The following EFL1 variants were observed in gnomAD, a reference collection of about 807,000 sequenced individuals.
EFL1 encodes the protein elongation factor-like GTPase 1.
Under a neutral mutation model 126.7 loss-of-function variants are expected in EFL1, and 76 were observed. The observed-to-expected ratio is 0.60, with a 90% CI of 0.50 to 0.73. The LOEUF is 0.73. Among genes scored for constraint, EFL1 ranks in the 30% least tolerant of loss-of-function variants. EFL1 has a pLI of 0.00. For missense variants in EFL1, 1,128 were observed against 1,343.2 expected, an observed-to-expected ratio of 0.84 and a Z score of 2.50; for synonymous variants, 410 against 448.4, an observed-to-expected ratio of 0.91 and a Z score of 1.08.
chr15:82,221,145 T>C (rs1296150796), intron 12 of EFL1, among the ~76,000 whole-genome samples: 1 of 152,214 alleles, frequency 6.6e-6, no homozygotes, highest in Non-Finnish European at 1.5e-5. Context: ...CCTAACTTTA[T>C]GCTCCAGCTC....
At chr15:82,134,747 G>A (rs553483813) in intron 19 of EFL1, among the ~76,000 whole-genome samples, 8 of 152,094 alleles carry the variant, frequency 5.3e-5, no homozygotes, top group Non-Finnish European at 1.0e-4. Flanking sequence ...AGCACTGGTT[G>A]GTAATATTTT....
At chr15:82,205,246 C>A (rs1043270695) in intron 15 of EFL1, among the ~76,000 whole-genome samples, 16 of 152,210 alleles carry the variant, frequency 1.1e-4, no homozygotes, top group Non-Finnish European at 2.1e-4. Context: ...CTGGACTACC[C>A]ATCTCCACTT....
Position 82,152,344 on chromosome 15 carries a change from T to C in EFL1, c.2110A>G (p.Met704Val). Reference sequence around the variant, plus strand: ...TGTTTGCCTATTTCTTCATTGACCATGTCAACTTTTGGGGGTTTTGTGATT... The same window carrying C: ...TGTTTGCCTATTTCTTCATTGACCACGTCAACTTTTGGGGGTTTTGTGATT... ...ETITKPPKVD[M>V]VNEEIGKQQK... The change falls in exon 18 of 20, where the codon ATG becomes GTG. Residue 704 changes from methionine to valine, a missense_variant. By Grantham distance (21) the Met-to-Val change is conservative. Around this residue, in one of 6 missense-constraint regions of EFL1, gnomAD observed 561 missense variants for 641.7 expected, o/e 0.87. Coordinates refer to ENST00000268206, the MANE Select transcript of EFL1 (RefSeq NM_024580.6). 1 of 1,613,960 alleles carries C rather than the reference T, an allele frequency of 6.2e-7. No homozygotes were observed. Among genetic ancestry groups the C allele is most frequent in the Non-Finnish European group, 8.5e-7 (1 of 1,180,040 alleles).
intron 15 of EFL1, among the ~76,000 whole-genome samples, chr15:82,214,128 A>G (rs902531203): frequency 3.9e-5 from 6 of 152,234 alleles, no homozygotes; most frequent in African/African-American, 1.4e-4. Context: ...TCTACAATAC[A>G]CTCTGGATGC....
At chr15:82,202,834 C>G (rs150180019) in intron 15 of EFL1, among the ~76,000 whole-genome samples, 10,169 of 145,366 alleles carry the variant, frequency 0.07, 506 homozygotes, top group African/African-American at 0.13. Context: ...TTTTTTGAGA[C>G]GGAGTCTTGC....
intron 18 of EFL1, among the ~76,000 whole-genome samples, chr15:82,145,160 G>T (rs950471521): frequency 6.6e-6 from 1 of 151,688 alleles, no homozygotes; most frequent in Non-Finnish European, 1.5e-5. Flanking sequence ...AAAATTAGCC[G>T]GGCGTGGTGG....
Position 82,185,626 on chromosome 15 carries a change from G to A in EFL1, c.1751-21642C>T, listed in dbSNP as rs141536894. Among the ~76,000 whole-genome samples, 615 of 151,938 alleles carry A rather than the reference G, an allele frequency of 4.0e-3. 4 individuals carry two copies. The highest frequency in any genetic ancestry group is 0.014 in the African/African-American group (587 of 41,454). ...AGCTTTTACCAATAAATCAGAAAATGAATACCACAATTTAAAAACACAGCC... is the reference window on the plus strand; with the variant it reads ...AGCTTTTACCAATAAATCAGAAAATAAATACCACAATTTAAAAACACAGCC... On this transcript the variant is annotated intron_variant, in intron 15 of 19. Transcript: ENST00000268206.
At chr15:82,152,969 G>A (rs2073929913) in intron 17 of EFL1, among the ~76,000 whole-genome samples, 1 of 152,132 alleles carries the variant, frequency 6.6e-6, no homozygotes, top group Non-Finnish European at 1.5e-5. Context: ...CTGCAATGGT[G>A]GAAATGTTCT....
chr15:82,216,501 ATAGT>A (rs1402235216), intron 14 of EFL1, among the ~76,000 whole-genome samples: 3 of 152,148 alleles, frequency 2.0e-5, no homozygotes, highest in East Asian at 1.9e-4. Flanking sequence ...CTGAATAGAG[ATAGT>A]TAGAGACAAC....
chr15:82,255,688 A>AT (rs549700646), intron 3 of EFL1, among the ~76,000 whole-genome samples: 11 of 151,512 alleles, frequency 7.3e-5, no homozygotes, highest in African/African-American at 2.4e-4. Flanking sequence ...TAGAGGTCCA[A>AT]TTTTTTTTTC....
At chr15:82,164,128 G>GC in intron 15 of EFL1, 144 bp from the exon 16 acceptor site, 2 of 769,662 alleles carry the variant, frequency 2.6e-6, no homozygotes, top group Admixed American at 3.7e-5. Context: ...GACCTGCACT[G>GC]TTTTTTTTTT....
chr15:82,207,404 C>G (rs1356118198), intron 15 of EFL1, among the ~76,000 whole-genome samples: 1 of 151,704 alleles, frequency 6.6e-6, no homozygotes, highest in East Asian at 1.9e-4. Context: ...CTATTTAACA[C>G]TGTTCTGAAA....
intron 12 of EFL1, among the ~76,000 whole-genome samples, chr15:82,221,308 C>T (rs1276498672): frequency 1.3e-5 from 2 of 152,172 alleles, no homozygotes; most frequent in South Asian, 4.2e-4. Flanking sequence ...TGCCATATTC[C>T]CCTCCTCTCT....
chr15:82,179,779 G>A (rs1228148760), intron 15 of EFL1, among the ~76,000 whole-genome samples: 2 of 134,920 alleles, frequency 1.5e-5, no homozygotes, highest in African/African-American at 2.8e-5. Flanking sequence ...AAGAGGCAGG[G>A]GTCCACCCTC....
At chr15:82,183,302 G>A (rs1477826841) in intron 15 of EFL1, among the ~76,000 whole-genome samples, 4 of 152,206 alleles carry the variant, frequency 2.6e-5, no homozygotes, top group African/African-American at 4.8e-5. Flanking sequence ...GGGTACATCT[G>A]CTTAATCTTC....
intron 4 of EFL1, among the ~76,000 whole-genome samples, chr15:82,246,542 G>A (rs2074974512): frequency 6.6e-6 from 1 of 151,212 alleles, no homozygotes; most frequent in African/African-American, 2.5e-5. Flanking sequence ...AGAGGAATGT[G>A]GGGCTGAAAG....
chr15:82,235,047 A>T (rs910715138), intron 7 of EFL1, among the ~76,000 whole-genome samples: 15 of 152,170 alleles, frequency 9.9e-5, no homozygotes, highest in Non-Finnish European at 2.1e-4. Flanking sequence ...ATAAGAAGAA[A>T]TAAGGATCCT....
Position 82,151,637 on chromosome 15 carries a change from C to T in EFL1, c.2817G>A (p.Glu939=), listed in dbSNP as rs2073909177. 1 of 1,614,064 alleles carries T rather than the reference C, an allele frequency of 6.2e-7. No homozygotes were observed. Among genetic ancestry groups the T allele is most frequent in the Non-Finnish European group, 8.5e-7 (1 of 1,180,044 alleles). Residue 939 remains glutamate (E), a synonymous_variant, in exon 18 of 20, where the codon GAG becomes GAA. Coordinates refer to ENST00000268206, the MANE Select transcript of EFL1 (RefSeq NM_024580.6). ...ATTCTCCTTTCTGTGATGTCCTCTT[C>T]TCAAAGGCCTCAGAGCAGCCATCTT... The part of the protein sequence containing the change: ...ELQDGCSEAF[E]KRTSQKGESP...
chr15:82,260,246 A>C (rs574834752), intron 2 of EFL1, among the ~76,000 whole-genome samples: 1 of 152,244 alleles, frequency 6.6e-6, no homozygotes, highest in South Asian at 2.1e-4. Context: ...GAAAAAAAAA[A>C]CCCTTTTATC....
Sources: allele counts gnomAD v4.1 joint callset (sites outside exome capture counted in the v4.1 genomes callset), GRCh38; gene constraint gnomAD v4.1.1; regional missense constraint gnomAD v4.1.1; transcripts MANE v1.5; gene names NCBI Gene and HGNC (gene_info 2026-07-23, HGNC 2026-07-21).